The following TMTC2 variants were observed in gnomAD, a reference collection of about 807,000 sequenced individuals.
TMTC2 encodes transmembrane O-mannosyltransferase targeting cadherins 2.
In TMTC2, 43 loss-of-function variants were observed where a neutral mutation model predicts 82.4. The observed-to-expected ratio is 0.52, with a 90% CI of 0.41 to 0.67. The LOEUF (loss-of-function observed/expected upper bound fraction) is 0.67. Ranked by LOEUF, TMTC2 falls within the 30% of genes least tolerant of loss-of-function variation. The pLI is 0.00. For synonymous variants in TMTC2, 408 were observed against 381.9 expected (o/e 1.07, Z -0.80); for missense variants, 919 against 1,012.4 (o/e 0.91, Z 1.25).
intron 2 of TMTC2, among the ~76,000 whole-genome samples, chr12:82,879,086 T>C (rs147971162): frequency 6.6e-6 from 1 of 152,316 alleles, no homozygotes; most frequent in East Asian, 1.9e-4. Context: ...ATACAAATTT[T>C]TGACCTCTTT....
intron 1 of TMTC2, among the ~76,000 whole-genome samples, chr12:82,845,226 CAAAAAAAAAAAA>C (rs66859423): frequency 6.6e-5 from 3 of 45,560 alleles, no homozygotes; most frequent in African/African-American, 1.0e-4. Flanking sequence ...GTGACTGTCT[CAAAAAAAAAAAA>C]AAAAAAAAAA....
At chr12:83,010,914 A>T (rs1880428141) in intron 8 of TMTC2, among the ~76,000 whole-genome samples, 1 of 152,150 alleles carries the variant, frequency 6.6e-6, no homozygotes, top group Admixed American at 6.5e-5. Context: ...AGCTCACTGC[A>T]ACCTCCACCT....
chr12:82,836,041 T>C (rs565138717), intron 1 of TMTC2, among the ~76,000 whole-genome samples: 1 of 152,374 alleles, frequency 6.6e-6, no homozygotes, highest in East Asian at 1.9e-4. Context: ...TTTCATGTTT[T>C]CCTTTGATAA....
At chr12:82,914,418 G>A (rs1874874200) in intron 3 of TMTC2, among the ~76,000 whole-genome samples, 1 of 152,052 alleles carries the variant, frequency 6.6e-6, no homozygotes, top group Admixed American at 6.6e-5. Flanking sequence ...ACATATAGAA[G>A]TTAACACATG....
At chr12:82,687,703 AG>A in intron 1 of TMTC2, 34 bp downstream of exon 1, 2 of 1,578,788 alleles carry the variant, frequency 1.3e-6, no homozygotes, top group Non-Finnish European at 1.7e-6. Flanking sequence ...GACGGGCTGC[AG>A]GGGGCACACT....
intron 2 of TMTC2, among the ~76,000 whole-genome samples, chr12:82,865,811 C>T (rs1005652834): frequency 1.3e-5 from 2 of 152,144 alleles, no homozygotes; most frequent in African/African-American, 4.8e-5. Flanking sequence ...AACAAACTGT[C>T]TCTCAGACCA....
intron 8 of TMTC2, among the ~76,000 whole-genome samples, chr12:82,988,162 CA>C (rs1471872143): frequency 6.6e-6 from 1 of 152,016 alleles, no homozygotes; most frequent in African/African-American, 2.4e-5. Flanking sequence ...GAATACTATA[CA>C]GGAACAATAG....
chr12:83,060,071 A>G (rs973778540), intron 10 of TMTC2, among the ~76,000 whole-genome samples: 2 of 151,604 alleles, frequency 1.3e-5, no homozygotes, highest in African/African-American at 2.4e-5. Context: ...TAGTGAGGGA[A>G]TTTTTACTGT....
chr12:83,006,716 A>G (rs1796144), intron 8 of TMTC2, among the ~76,000 whole-genome samples: 116,346 of 151,826 alleles, frequency 0.77, 46,099 homozygotes, highest in South Asian at 0.93. Context: ...ATGTCCATCA[A>G]TGATAGACTG....
chr12:82,753,595 G>A (rs1876136769), intron 1 of TMTC2, among the ~76,000 whole-genome samples: 1 of 152,058 alleles, frequency 6.6e-6, no homozygotes, highest in African/African-American at 2.4e-5. Flanking sequence ...GAACTGGAAG[G>A]AAGTCATAAA....
rs1873458025 is a variant in TMTC2 at position 82,708,154 on chromosome 12, CA to C, written c.83+20488del. On this transcript the variant is annotated intron_variant, in intron 1 of 11. Coordinates refer to ENST00000321196, the MANE Select transcript of TMTC2 (RefSeq NM_152588.3). ...GTTGTGACAGAGACCTTGGGGCTTG[CA>C]AAGCCTAAAATATTTACTATCTGGC... Among the ~76,000 whole-genome samples the C allele has an allele frequency of 5.3e-5, 8 of 152,258 alleles. No individual in the cohort carries two copies. The South Asian group carries it at 1.7e-3, about 32-fold the overall frequency.
At chr12:83,029,914 A>C (rs1262754556) in intron 8 of TMTC2, among the ~76,000 whole-genome samples, 1 of 152,172 alleles carries the variant, frequency 6.6e-6, no homozygotes, top group African/African-American at 2.4e-5. Flanking sequence ...GGTAATATTT[A>C]CTTAAAACTA....
intron 11 of TMTC2, among the ~76,000 whole-genome samples, chr12:83,109,786 A>G (rs936425865): frequency 3.9e-5 from 6 of 152,350 alleles, no homozygotes; most frequent in African/African-American, 1.4e-4. Context: ...CTTGGCAAAA[A>G]TCAACACCCA....
At chr12:82,909,398 G>A (rs1469474560) in intron 3 of TMTC2, among the ~76,000 whole-genome samples, 1 of 152,094 alleles carries the variant, frequency 6.6e-6, no homozygotes, top group African/African-American at 2.4e-5. Context: ...GGGGTATAGT[G>A]GTGCGATCTC....
chr12:82,985,384 A>G (rs12318295), intron 7 of TMTC2, among the ~76,000 whole-genome samples: 17,948 of 152,160 alleles, frequency 0.12, 1,300 homozygotes, highest in African/African-American at 0.19. Flanking sequence ...AAATTCAAAT[A>G]GTTTCTTTAA....
At chr12:82,960,861 A>G (rs1877894086) in intron 4 of TMTC2, among the ~76,000 whole-genome samples, 1 of 151,904 alleles carries the variant, frequency 6.6e-6, no homozygotes, top group South Asian at 2.1e-4. Context: ...CCTGTTTTTC[A>G]TATAGAAACC....
At chr12:82,905,030 C>T (rs141240398) in intron 3 of TMTC2, among the ~76,000 whole-genome samples, 1 of 148,660 alleles carries the variant, frequency 6.7e-6, no homozygotes, top group East Asian at 2.0e-4. Flanking sequence ...CCCTTCCCTA[C>T]AGTATCTAGA....
intron 11 of TMTC2, among the ~76,000 whole-genome samples, chr12:83,109,212 C>T (rs1189746120): frequency 6.6e-6 from 1 of 152,170 alleles, no homozygotes; most frequent in Non-Finnish European, 1.5e-5. Flanking sequence ...ATCTGCTCAG[C>T]TTCTGGGGGG....
At chr12:82,713,836 T>C (rs1873762589) in intron 1 of TMTC2, among the ~76,000 whole-genome samples, 1 of 152,202 alleles carries the variant, frequency 6.6e-6, no homozygotes, top group South Asian at 2.1e-4. Flanking sequence ...CAGTTTGTTT[T>C]TGGGCATGCT....
Sources: allele counts gnomAD v4.1 joint callset (sites outside exome capture counted in the v4.1 genomes callset), GRCh38; gene constraint gnomAD v4.1.1; transcripts MANE v1.5; gene names NCBI Gene and HGNC (gene_info 2026-07-23, HGNC 2026-07-21).